Variants in ADAM18 observed in about 807,000 individuals in gnomAD.
ADAM18 encodes disintegrin and metalloproteinase domain-containing protein 18.
ADAM18 carries 117 observed loss-of-function variants against 94.4 expected under a neutral mutation model. That is an observed-to-expected ratio of 1.24 (90% CI 1.07 to 1.45). The LOEUF is 1.45. Ranked by LOEUF, ADAM18 falls within the 40% of genes most tolerant of loss-of-function variation. The probability of loss-of-function intolerance (pLI) is 0.00; values close to 1 mark genes in which losing one functional copy is unlikely to be tolerated. For missense variants in ADAM18, 936 were observed against 880.0 expected (o/e 1.06, Z -0.81); for synonymous variants, 327 against 291.6 (o/e 1.12, Z -1.24).
At chr8:39,657,746 A>G (rs1820727388) in intron 12 of ADAM18, among the ~76,000 whole-genome samples, 1 of 152,216 alleles carries the variant, frequency 6.6e-6, no homozygotes, top group South Asian at 2.1e-4. Flanking sequence ...TTTTAAAGGT[A>G]AACAGTACAT....
At chr8:39,727,628 C>A (rs1405398825) in intron 19 of ADAM18, among the ~76,000 whole-genome samples, 1 of 152,158 alleles carries the variant, frequency 6.6e-6, no homozygotes, top group African/African-American at 2.4e-5. Flanking sequence ...AGAAGTTCCT[C>A]ATTTCCTTCT....
Position 39,648,375 on chromosome 8 carries a change from T to G in ADAM18, c.1078T>G (p.Cys360Gly). Residue 360 changes from cysteine to glycine, a missense_variant, in exon 12 of 20, where the codon TGC becomes GGC. Physicochemically the swap from Cys to Gly is radical, Grantham distance 159. Coordinates refer to ENST00000265707, the MANE Select transcript of ADAM18 (RefSeq NM_014237.3). ...CAGTGGTAGAAAGATTTTTAGCAAC[T>G]GCAGCATGCACGACTATAGATATTT... ...SASGRKIFSNCSMHDYRYFVS... is the reference protein window; with the variant it reads ...SASGRKIFSNGSMHDYRYFVS... The G allele has an allele frequency of 6.2e-7, 1 of 1,604,990 alleles. No homozygotes were observed. Among genetic ancestry groups the G allele is most frequent in the Non-Finnish European group, 8.5e-7 (1 of 1,176,158 alleles).
chr8:39,599,875 TG>T (rs1329450508), intron 2 of ADAM18, among the ~76,000 whole-genome samples: 3 of 151,844 alleles, frequency 2.0e-5, no homozygotes, highest in African/African-American at 7.2e-5. Context: ...TTAAAAAATT[TG>T]TGTTTTTTTT....
intron 17 of ADAM18, 79 bp downstream of exon 17, chr8:39,692,759 T>C: frequency 1.7e-6 from 2 of 1,194,086 alleles, no homozygotes; most frequent in Non-Finnish European, 2.4e-6. Context: ...GGATTGAGAG[T>C]CTAGGTTGAC....
At chr8:39,629,299 C>T (rs2129579048) in intron 6 of ADAM18, 75 bp from the exon 7 acceptor site, 1 of 1,190,026 alleles carries the variant, frequency 8.4e-7, no homozygotes, top group Non-Finnish European at 1.2e-6. Context: ...TTTTCGCTGT[C>T]TTTACATGTC....
At chr8:39,690,136 C>G (rs1304454281) in intron 16 of ADAM18, among the ~76,000 whole-genome samples, 2 of 152,172 alleles carry the variant, frequency 1.3e-5, no homozygotes, top group Admixed American at 1.3e-4. Flanking sequence ...TGAGGTTGAG[C>G]TCCAGTTGGG....
chr8:39,631,598 A>G (rs916707335), intron 7 of ADAM18, among the ~76,000 whole-genome samples: 14 of 151,966 alleles, frequency 9.2e-5, no homozygotes, highest in Admixed American at 7.2e-4. Context: ...TTATTGTTAT[A>G]TAATTTATTT....
At chr8:39,643,098 G>A (rs563964216) in intron 10 of ADAM18, among the ~76,000 whole-genome samples, 1 of 152,238 alleles carries the variant, frequency 6.6e-6, no homozygotes, top group South Asian at 2.1e-4. Context: ...TATTGTTGGT[G>A]TATAGGAATA....
chr8:39,640,851 T>C lies in ADAM18; in HGVS notation c.909+2305T>C, dbSNP rs188856126. On this transcript the variant is annotated intron_variant, in intron 10 of 19. Coordinates refer to ENST00000265707, the MANE Select transcript of ADAM18 (RefSeq NM_014237.3). The stretch of plus-strand genomic sequence containing the variant: ...ATGAGAAGTGTCTGTTCTTGTCCTT[T>C]GTCCACTTTGTAATGGTTTTTTTTT... Among the ~76,000 whole-genome samples the C allele has an allele frequency of 2.2e-4, 33 of 151,916 alleles. No homozygotes were observed. In the East Asian group the frequency reaches 6.4e-3, roughly 29 times the overall value.
At chr8:39,615,142 C>G in intron 6 of ADAM18, among the ~76,000 whole-genome samples, 1 of 151,666 alleles carries the variant, frequency 6.6e-6, no homozygotes, top group African/African-American at 2.4e-5. Flanking sequence ...ACCCTAAGAA[C>G]AGAATATACA....
chr8:39,719,562 C>T lies in ADAM18; in HGVS notation c.2018-4186C>T, dbSNP rs201960. The stretch of plus-strand genomic sequence containing the variant: ...TTAACAAATATTTGTAAAATATATA[C>T]CTGATAAAGTATTTGTATTCAGAAT... On this transcript the variant is annotated intron_variant, in intron 18 of 19. Coordinates refer to ENST00000265707, the MANE Select transcript of ADAM18 (RefSeq NM_014237.3). 2.2e-3 allele frequency among the ~76,000 whole-genome samples: 331 copies of T among 151,340 alleles called. 1 individual carries two copies. The highest frequency in any genetic ancestry group is 4.2e-3 in the Non-Finnish European group (284 of 67,484).
chr8:39,615,543 A>G (rs1276693974), intron 6 of ADAM18, among the ~76,000 whole-genome samples: 3 of 152,218 alleles, frequency 2.0e-5, no homozygotes, highest in African/African-American at 7.2e-5. Context: ...CCCTTAACAA[A>G]CTAGGTATTG....
chr8:39,648,607 A>C, intron 12 of ADAM18, 80 bp downstream of exon 12: 5 of 1,236,812 alleles, frequency 4.0e-6, no homozygotes, highest in Non-Finnish European at 5.5e-6. Flanking sequence ...TGGTATATAT[A>C]AATGATATAT....
At chr8:39,718,928 T>C (rs1563320018) in intron 18 of ADAM18, among the ~76,000 whole-genome samples, 2 of 151,392 alleles carry the variant, frequency 1.3e-5, no homozygotes, top group Non-Finnish European at 3.0e-5. Context: ...TAAATTTGTT[T>C]ATCCATATAA....
At position 39,664,141 on chromosome 8, in the gene ADAM18, T is replaced by C. The variant is rs562386873; in HGVS notation, c.1326+251T>C. Among the ~76,000 whole-genome samples the C allele has an allele frequency of 4.6e-5, 7 of 152,324 alleles. No homozygotes were observed. In the South Asian group the frequency reaches 1.4e-3, roughly 32 times the overall value. On this transcript the variant is annotated intron_variant, in intron 13 of 19. Transcript: ENST00000265707. ...CCACTTAATACGTGCAAACATGAAT[T>C]AGGTGCATTAGCATGATGCATGTGA...
intron 2 of ADAM18, among the ~76,000 whole-genome samples, chr8:39,603,726 T>C (rs1350339265): frequency 1.7e-4 from 26 of 152,230 alleles, no homozygotes; most frequent in Non-Finnish European, 1.5e-4. Context: ...GATGAGCACA[T>C]TAAATGATAA....
intron 7 of ADAM18, among the ~76,000 whole-genome samples, chr8:39,632,547 T>C (rs938624072): frequency 3.8e-4 from 58 of 152,266 alleles, no homozygotes; most frequent in African/African-American, 1.4e-3. Context: ...ACAAGTAACC[T>C]GATCTTTTAT....
At chr8:39,722,218 T>TACATAC (rs1822778172) in intron 18 of ADAM18, among the ~76,000 whole-genome samples, 1 of 4,242 alleles carries the variant, frequency 2.4e-4, no homozygotes, top group African/African-American at 4.2e-4. Flanking sequence ...TGTGTGTGTG[T>TACATAC]ATATATATAT....
intron 14 of ADAM18, among the ~76,000 whole-genome samples, chr8:39,676,435 G>A (rs1191624529): frequency 2.0e-5 from 3 of 152,224 alleles, no homozygotes; most frequent in Non-Finnish European, 2.9e-5. Context: ...GGCTCTGTGG[G>A]CATGGGAACT....
Sources: allele counts gnomAD v4.1 joint callset (sites outside exome capture counted in the v4.1 genomes callset), GRCh38; gene constraint gnomAD v4.1.1; transcripts MANE v1.5; gene names NCBI Gene and HGNC (gene_info 2026-07-23, HGNC 2026-07-21).